Variants in MEIG1 observed in about 807,000 individuals in gnomAD.
MEIG1 encodes the protein meiosis/spermiogenesis associated 1.
A neutral mutation model predicts 11.3 loss-of-function variants in MEIG1; 12 were observed. That is an observed-to-expected ratio of 1.07 (90% CI 0.68 to 1.73). The LOEUF (loss-of-function observed/expected upper bound fraction) is 1.73, where lower values mean the gene tolerates loss of function less well. Among genes scored for constraint, MEIG1 ranks in the 40% most tolerant of loss-of-function variants. The probability of loss-of-function intolerance (pLI) is 0.00; values close to 1 mark genes in which losing one functional copy is unlikely to be tolerated. For synonymous variants in MEIG1, 41 were observed against 33.2 expected (o/e 1.24, Z -0.81); for missense variants, 119 against 104.9 (o/e 1.13, Z -0.59).
At chr10:14,974,189 C>A (rs937722079), downstream of MEIG1, among the ~76,000 whole-genome samples, 1 of 152,048 alleles carries the variant, frequency 6.6e-6, no homozygotes, top group African/African-American at 2.4e-5. Flanking sequence ...GGGGTTGGTT[C>A]CTGGTAACTG....
intron 1 of MEIG1, among the ~76,000 whole-genome samples, chr10:14,983,199 G>A (rs12246938): frequency 0.12 from 18,679 of 151,864 alleles, 1,291 homozygotes; most frequent in Middle Eastern, 0.23. Flanking sequence ...TCTCCAGGGG[G>A]TGGCGTATGA....
intron 2 of MEIG1, among the ~76,000 whole-genome samples, chr10:14,969,781 A>C (rs1843129133): frequency 1.3e-5 from 2 of 152,346 alleles, no homozygotes; most frequent in South Asian, 4.1e-4. Context: ...GGTTACAGTA[A>C]GCTGAGATCA....
At chr10:14,962,220 C>T (rs1450956109) in intron 1 of MEIG1, among the ~76,000 whole-genome samples, 2 of 152,142 alleles carry the variant, frequency 1.3e-5, no homozygotes, top group African/African-American at 4.8e-5. Context: ...CCTAGAATCA[C>T]TGAAAAATTT....
At chr10:14,986,544 C>A (rs1257331780) in intron 1 of MEIG1, among the ~76,000 whole-genome samples, 1 of 152,100 alleles carries the variant, frequency 6.6e-6, no homozygotes, top group African/African-American at 2.4e-5. Context: ...GTCTTCATTC[C>A]CCATCCCATC....
intron 1 of MEIG1, among the ~76,000 whole-genome samples, chr10:14,981,724 T>C (rs532959112): frequency 6.6e-6 from 1 of 152,272 alleles, no homozygotes; most frequent in East Asian, 1.9e-4. Flanking sequence ...TTCTGAGTCA[T>C]CTTGTTTTCT....
At chr10:14,977,476 A>G (rs1843221306), downstream of MEIG1, among the ~76,000 whole-genome samples, 3 of 151,888 alleles carry the variant, frequency 2.0e-5, no homozygotes, top group Admixed American at 2.0e-4. Context: ...ATTGTTCCCA[A>G]TATTGTAGGG....
rs532409709 is a variant in MEIG1, at chr10:14,987,271, G to A, written n.285+257G>A. 55 of 807,098 alleles carry A rather than the reference G, an allele frequency of 6.8e-5. No homozygotes were observed. In the Admixed American group the frequency reaches 8.0e-4, roughly 12 times the overall value. 50.0% of individuals were successfully genotyped at this position (807,098 alleles called of 1,614,324 possible). Reference sequence around the variant, plus strand: ...GGAAGAAGTACATGGGGGTATGGAGGGGGGAGTCAGAGCTGACAGCCAGGA... The same window carrying A: ...GGAAGAAGTACATGGGGGTATGGAGAGGGGAGTCAGAGCTGACAGCCAGGA... On this transcript the variant is annotated intron_variant and non_coding_transcript_variant, in intron 2 of 2. Transcript: ENST00000467536.
chr10:14,966,403 T>C (rs1843084420), intron 1 of MEIG1, 37 bp from the exon 2 acceptor site: 1 of 1,438,922 alleles, frequency 6.9e-7, no homozygotes, highest in African/African-American at 1.5e-5. Context: ...ATTGTCACTA[T>C]TACATTATCC....
chr10:14,974,196 A>C (rs534705828), downstream of MEIG1, among the ~76,000 whole-genome samples: 7 of 152,074 alleles, frequency 4.6e-5, no homozygotes, highest in Admixed American at 2.0e-4. Context: ...GTTCCTGGTA[A>C]CTGGGTCCTT....
chr10:14,956,445 G>C (rs1264417512), upstream of MEIG1, among the ~76,000 whole-genome samples: 1 of 152,040 alleles, frequency 6.6e-6, no homozygotes, highest in Admixed American at 6.6e-5. Context: ...AGCCAGGCAT[G>C]GAGTCAGGGG....
At chr10:14,961,315 C>T in intron 1 of MEIG1, among the ~76,000 whole-genome samples, 1 of 152,170 alleles carries the variant, frequency 6.6e-6, no homozygotes, top group East Asian at 1.9e-4. Context: ...ATTGCTTTTG[C>T]ACCATGGTAA....
exon 3 of MEIG1, chr10:14,987,838 CTACTT>C (rs1452232597): frequency 5.9e-6 from 1 of 169,552 alleles, no homozygotes; most frequent in African/African-American, 2.4e-5. Flanking sequence ...GAAATACACT[CTACTT>C]TATTCTGACA....
upstream of MEIG1, among the ~76,000 whole-genome samples, chr10:14,958,622 C>G (rs931425899): frequency 6.6e-6 from 1 of 152,152 alleles, no homozygotes; most frequent in Non-Finnish European, 1.5e-5. Context: ...ATTGGCCGGG[C>G]GCGGTGGCTC....
intron 2 of MEIG1, among the ~76,000 whole-genome samples, chr10:14,967,504 ATTTTT>A (rs34624834): frequency 7.4e-6 from 1 of 135,274 alleles, no homozygotes; most frequent in Non-Finnish European, 1.6e-5. Flanking sequence ...CTACTAAGAT[ATTTTT>A]TTTTTTTTTT....
intron 1 of MEIG1, among the ~76,000 whole-genome samples, chr10:14,981,554 A>T (rs553034231): frequency 2.9e-4 from 44 of 152,062 alleles, no homozygotes; most frequent in Non-Finnish European, 5.7e-4. Flanking sequence ...GTTACTAGCG[A>T]ATGTTCAGCA....
chr10:14,985,006 T>C (rs1170109927), intron 1 of MEIG1, among the ~76,000 whole-genome samples: 3 of 152,174 alleles, frequency 2.0e-5, no homozygotes, highest in Admixed American at 6.5e-5. Context: ...ACAATGCGTG[T>C]ACACCCTTTG....
At chr10:14,977,559 A>G (rs1843222298), downstream of MEIG1, among the ~76,000 whole-genome samples, 3 of 151,754 alleles carry the variant, frequency 2.0e-5, no homozygotes, top group Admixed American at 2.0e-4. Flanking sequence ...GAGAGATATT[A>G]CTTTAAATAT....
chr10:14,963,953 C>T (rs1468768760), intron 1 of MEIG1, among the ~76,000 whole-genome samples: 1 of 152,038 alleles, frequency 6.6e-6, no homozygotes, highest in Admixed American at 6.6e-5. Context: ...AAAAAATTAG[C>T]TGGGCATGGT....
At chr10:14,979,825 G>A (rs544857535) in intron 1 of MEIG1, among the ~76,000 whole-genome samples, 2 of 152,120 alleles carry the variant, frequency 1.3e-5, no homozygotes, top group East Asian at 3.9e-4. Flanking sequence ...CAATATGTGA[G>A]GGAGGTATAA....
Sources: gnomAD v4.1 joint callset for allele counts (sites outside exome capture counted in the v4.1 genomes callset) on GRCh38, gnomAD v4.1.1 for gene constraint, MANE v1.5 for transcripts, NCBI Gene and HGNC (gene_info 2026-07-23, HGNC 2026-07-21) for gene names.